Variants in PLCB1 observed in about 807,000 individuals in gnomAD.
PLCB1 encodes the protein 1-phosphatidylinositol 4,5-bisphosphate phosphodiesterase beta-1.
PLCB1 carries 46 observed loss-of-function variants against 161.8 expected under a neutral mutation model. That is an observed-to-expected ratio of 0.28 (90% CI 0.22 to 0.36). The LOEUF (loss-of-function observed/expected upper bound fraction) is 0.36, where lower values mean the gene tolerates loss of function less well. Among genes scored for constraint, PLCB1 ranks in the 10% least tolerant of loss-of-function variants. PLCB1 has a pLI of 1.00. For missense variants in PLCB1, 1,016 were observed against 1,472.5 expected, an observed-to-expected ratio of 0.69 and a Z score of 5.07; for synonymous variants, 517 against 503.7, an observed-to-expected ratio of 1.03 and a Z score of -0.35.
At chr20:8,798,433 T>A (rs1188348590) in intron 31 of PLCB1, among the ~76,000 whole-genome samples, 2 of 152,202 alleles carry the variant, frequency 1.3e-5, no homozygotes, top group African/African-American at 2.4e-5. Context: ...GGTGGATGGC[T>A]ATCTGCCCCG....
rs1241085129 is a variant in PLCB1, at chr20:8,523,482, CTCTCTCTCTCTCTCTATA to C, written c.247-104810_247-104793del. 1.5e-3 allele frequency among the ~76,000 whole-genome samples: 87 copies of C among 59,328 alleles called. 3 individuals are homozygous for C. Among genetic ancestry groups the C allele is most frequent in the South Asian group, 3.9e-3 (8 of 2,060 alleles). 38.9% of individuals were successfully genotyped at this position (59,328 alleles called of 152,430 possible). A position where few individuals can be genotyped will look rare whatever the true frequency, so the allele number is the denominator to read the frequency against. The stretch of plus-strand genomic sequence containing the variant: ...TATATTTGGCTCTCTCTCTCTCTCT[CTCTCTCTCTCTCTCTATA>C]TATATATATATATATATATATGGAG... On this transcript the variant is annotated intron_variant, in intron 3 of 31. Coordinates refer to ENST00000338037, the MANE Select transcript of PLCB1 (RefSeq NM_015192.4).
At chr20:8,487,569 T>C (rs1982781803) in intron 3 of PLCB1, among the ~76,000 whole-genome samples, 1 of 152,200 alleles carries the variant, frequency 6.6e-6, no homozygotes. Context: ...TGTCCTCTAC[T>C]TCTCCTGGAG....
chr20:8,556,878 T>G (rs1407870636), intron 3 of PLCB1, among the ~76,000 whole-genome samples: 1 of 151,324 alleles, frequency 6.6e-6, no homozygotes, highest in Non-Finnish European at 1.5e-5. Context: ...AATAAACACA[T>G]GAAAAGATGC....
rs577455974 is a variant in PLCB1 at position 8,269,260 on chromosome 20, G to T, written c.178-102122G>T. 2.0e-5 allele frequency among the ~76,000 whole-genome samples: 3 copies of T among 152,074 alleles called. No homozygotes were observed. In the South Asian group the frequency reaches 6.2e-4, roughly 32 times the overall value. On this transcript the variant is annotated intron_variant, in intron 2 of 31. Transcript: ENST00000338037. ...TCCCCCCAACCCCTGACAGGCCCCG[G>T]TCTGTGATGTTCCCCTCCCTGTGTC...
In PLCB1 at chr20:8,340,671, G is replaced by A. The variant is rs551946640; in HGVS notation, c.178-30711G>A. ...GATCTCCTGACCTCGTGATCCGCCC[G>A]CCTCGGCCTCCCAAAGTGCTGGGAT... On this transcript the variant is annotated intron_variant, in intron 2 of 31. Transcript: ENST00000338037. 4.6e-5 allele frequency among the ~76,000 whole-genome samples: 7 copies of A among 152,196 alleles called. No individual in the cohort carries two copies. In the East Asian group the frequency reaches 5.8e-4, roughly 13 times the overall value.
At chr20:8,734,120 A>G (rs1378206637) in intron 19 of PLCB1, among the ~76,000 whole-genome samples, 1 of 119,730 alleles carries the variant, frequency 8.4e-6, no homozygotes, top group Non-Finnish European at 1.6e-5. Context: ...AGAGCGAGAG[A>G]GCGAGACTCT....
At chr20:8,231,361 C>G (rs1980024130) in intron 2 of PLCB1, among the ~76,000 whole-genome samples, 2 of 152,166 alleles carry the variant, frequency 1.3e-5, no homozygotes, top group Admixed American at 6.5e-5. Context: ...TCAGTAACCT[C>G]CCCAGTTGTG....
At chr20:8,438,903 C>T (rs1310630874) in intron 3 of PLCB1, among the ~76,000 whole-genome samples, 3 of 152,194 alleles carry the variant, frequency 2.0e-5, no homozygotes, top group African/African-American at 4.8e-5. Context: ...TGAGATGGAG[C>T]ATGACTGGCC....
chr20:8,454,830 T>C (rs1009480697), intron 3 of PLCB1, among the ~76,000 whole-genome samples: 2 of 152,224 alleles, frequency 1.3e-5, no homozygotes, highest in African/African-American at 4.8e-5. Flanking sequence ...CCATCTAACA[T>C]ATTATATATT....
chr20:8,215,381 G>T (rs906121453), intron 2 of PLCB1, among the ~76,000 whole-genome samples: 11 of 152,040 alleles, frequency 7.2e-5, no homozygotes. Context: ...TGCTTGGGGA[G>T]CATCTTTGTA....
intron 27 of PLCB1, among the ~76,000 whole-genome samples, chr20:8,779,608 G>A (rs547368027): frequency 4.6e-5 from 7 of 150,678 alleles, no homozygotes; most frequent in South Asian, 2.1e-4. Context: ...AGTGTGGGCC[G>A]TGAATCACCT....
At chr20:8,858,647 A>G (rs1458216571) in intron 31 of PLCB1, among the ~76,000 whole-genome samples, 1 of 152,146 alleles carries the variant, frequency 6.6e-6, no homozygotes, top group Non-Finnish European at 1.5e-5. Context: ...GGACTACAGC[A>G]CTGACCTTCA....
intron 2 of PLCB1, among the ~76,000 whole-genome samples, chr20:8,280,312 G>T (rs1274922029): frequency 6.7e-6 from 1 of 149,748 alleles, no homozygotes; most frequent in Non-Finnish European, 1.5e-5. Flanking sequence ...TCCAACCTGG[G>T]CAACAAGAGC....
chr20:8,429,182 T>G (rs1422105814), intron 3 of PLCB1, among the ~76,000 whole-genome samples: 1 of 152,224 alleles, frequency 6.6e-6, no homozygotes, highest in Non-Finnish European at 1.5e-5. Context: ...CTCGAGCATT[T>G]TAGGTGTTAA....
chr20:8,831,624 G>A (rs6086619), intron 31 of PLCB1, among the ~76,000 whole-genome samples: 74,521 of 151,648 alleles, frequency 0.49, 18,779 homozygotes, highest in African/African-American at 0.58. Context: ...AAAAGTTTTC[G>A]TTGTTACTTA....
chr20:8,757,785 A>G (rs927770342), intron 24 of PLCB1, among the ~76,000 whole-genome samples: 3 of 152,114 alleles, frequency 2.0e-5, no homozygotes, highest in Non-Finnish European at 4.4e-5. Context: ...GCAGTTCCCA[A>G]TGATACTAAC....
chr20:8,562,671 T>C (rs375440650), intron 3 of PLCB1, among the ~76,000 whole-genome samples: 65 of 152,096 alleles, frequency 4.3e-4, no homozygotes, highest in African/African-American at 1.4e-3. Context: ...TCTAAAAAAG[T>C]AGATGGCATT....
intron 3 of PLCB1, among the ~76,000 whole-genome samples, chr20:8,479,921 A>G (rs1048075003): frequency 2.0e-5 from 3 of 152,244 alleles, no homozygotes; most frequent in African/African-American, 7.2e-5. Flanking sequence ...GTCATGTCTT[A>G]GTTCTGGGAT....
intron 31 of PLCB1, among the ~76,000 whole-genome samples, chr20:8,790,956 T>A (rs1983729421): frequency 6.6e-6 from 1 of 152,166 alleles, no homozygotes; most frequent in East Asian, 1.9e-4. Flanking sequence ...GTTTTTCAAT[T>A]TTCCTGCGCT....
Sources: allele counts gnomAD v4.1 joint callset (sites outside exome capture counted in the v4.1 genomes callset), GRCh38; gene constraint gnomAD v4.1.1; transcripts MANE v1.5; gene names NCBI Gene and HGNC (gene_info 2026-07-23, HGNC 2026-07-21).